Variants in ADGRL2 observed in about 807,000 individuals in gnomAD.
The protein encoded by ADGRL2 is adhesion G protein-coupled receptor L2, also known as calcium-independent alpha-latrotoxin receptor 2.
Under a neutral mutation model 157.4 loss-of-function variants are expected in ADGRL2, and 44 were observed. That is an observed-to-expected ratio of 0.28 (90% CI 0.22 to 0.36). The LOEUF is 0.36. Among genes scored for constraint, ADGRL2 ranks in the 10% least tolerant of loss-of-function variants. ADGRL2 has a pLI of 1.00. For synonymous variants in ADGRL2, 585 were observed against 624.7 expected (o/e 0.94, Z 0.95); for missense variants, 1,510 against 1,768.9 (o/e 0.85, Z 2.63).
intron 2 of ADGRL2, among the ~76,000 whole-genome samples, chr1:81,859,406 C>CTTT (rs34509135): frequency 1.8e-4 from 22 of 124,912 alleles, no homozygotes; most frequent in South Asian, 2.6e-4. Flanking sequence ...AGAATAAAAC[C>CTTT]TTTTTTTTTT....
chr1:81,722,547 T>G, intron 1 of ADGRL2: 1 of 1,532,626 alleles, frequency 6.5e-7, no homozygotes, highest in Non-Finnish European at 8.9e-7. Flanking sequence ...CAGCTCAGCC[T>G]TACAAATGGC....
intron 15 of ADGRL2, among the ~76,000 whole-genome samples, chr1:81,970,009 C>CACAA (rs3046461): frequency 0.71 from 108,264 of 151,476 alleles, 39,067 homozygotes; most frequent in East Asian, 0.84. Context: ...ACAGATAATT[C>CACAA]ACAAATTATG....
intron 3 of ADGRL2, among the ~76,000 whole-genome samples, chr1:81,931,955 C>T (rs2095239364): frequency 6.6e-6 from 1 of 152,124 alleles, no homozygotes; most frequent in Non-Finnish European, 1.5e-5. Flanking sequence ...ATTGTTTAGA[C>T]ATTATTCGCA....
intron 3 of ADGRL2, among the ~76,000 whole-genome samples, chr1:81,686,052 G>T (rs527990046): frequency 2.0e-5 from 3 of 152,238 alleles, no homozygotes; most frequent in South Asian, 2.1e-4. Flanking sequence ...ATTTTGTTAA[G>T]GATTTTAGCA....
intron 2 of ADGRL2, among the ~76,000 whole-genome samples, chr1:81,554,529 A>T (rs17455219): frequency 6.6e-6 from 1 of 151,884 alleles, no homozygotes; most frequent in Non-Finnish European, 1.5e-5. Context: ...AAGAAATGGC[A>T]ATAACTGGTA....
intron 2 of ADGRL2, among the ~76,000 whole-genome samples, chr1:81,778,469 A>G (rs1399317951): frequency 6.6e-6 from 1 of 152,192 alleles, no homozygotes; most frequent in Non-Finnish European, 1.5e-5. Flanking sequence ...ACTCTGACAG[A>G]AAAGAACATC....
rs1264490423 is a variant in ADGRL2 at position 81,773,664 on chromosome 1, C to G, written c.-101+11812C>G. 2.0e-5 allele frequency among the ~76,000 whole-genome samples: 3 copies of G among 152,282 alleles called. No individual in the cohort carries two copies. In the South Asian group the frequency reaches 6.2e-4, roughly 32 times the overall value. ...TTCTTCTTGAGCGTTCACATGACCT[C>G]AAAAGCAATGAAAGGGACTGACATT... is the stretch of plus-strand genomic sequence containing the variant. On this transcript the variant is annotated intron_variant, in intron 2 of 20. Transcript: ENST00000359929.
At chr1:81,373,946 G>T (rs1412471053) in intron 1 of ADGRL2, among the ~76,000 whole-genome samples, 1 of 152,160 alleles carries the variant, frequency 6.6e-6, no homozygotes, top group Non-Finnish European at 1.5e-5. Context: ...ATGTAAAAAT[G>T]TAGTAGGTCC....
At chr1:81,366,816 G>A (rs1268751104) in intron 1 of ADGRL2, among the ~76,000 whole-genome samples, 1 of 152,142 alleles carries the variant, frequency 6.6e-6, no homozygotes, top group African/African-American at 2.4e-5. Flanking sequence ...TGGATTCTAT[G>A]TGATGAGATT....
intron 3 of ADGRL2, among the ~76,000 whole-genome samples, chr1:81,686,727 G>C (rs1439745569): frequency 2.0e-5 from 3 of 152,076 alleles, no homozygotes; most frequent in African/African-American, 7.2e-5. Context: ...TGTGACCTTA[G>C]ATTGTCTGTT....
At chr1:81,683,067 A>G (rs975422403) in intron 3 of ADGRL2, among the ~76,000 whole-genome samples, 1 of 152,206 alleles carries the variant, frequency 6.6e-6, no homozygotes, top group Non-Finnish European at 1.5e-5. Context: ...AGGGTGAAGG[A>G]GGTTGCACTA....
Position 81,917,605 on chromosome 1 carries a change from G to A in ADGRL2, c.287+10375G>A, listed in dbSNP as rs944318525. Among the ~76,000 whole-genome samples, 14 of 152,160 alleles carry A rather than the reference G, an allele frequency of 9.2e-5. No individual in the cohort carries two copies. In the East Asian group the frequency reaches 2.1e-3, roughly 23 times the overall value. On this transcript the variant is annotated intron_variant, in intron 3 of 23. Transcript: ENST00000686636. ...ATATATTGTGAAACTAACACGTCACGGTTCTCTCAAAATTTGTTAACATGT... is the reference window on the plus strand; with the variant it reads ...ATATATTGTGAAACTAACACGTCACAGTTCTCTCAAAATTTGTTAACATGT...
In ADGRL2 at chr1:81,955,877, G is replaced by A; in HGVS notation, c.1834G>A (p.Ala612Thr). ...AATGATAGTTTTCTAATGGATACAG[G>A]CAATTGTTGACACAGTGGACAACCT... The part of the protein sequence containing the change: ...REKTCRAYLK[A>T]IVDTVDNLLR... The change falls in exon 11 of 24, where the codon GCA (alanine) becomes ACA (threonine). Residue 612 changes from alanine to threonine, a missense_variant and splice_region_variant. Transcript: ENST00000686636. The A allele has an allele frequency of 6.4e-7, 1 of 1,567,302 alleles. No individual in the cohort carries two copies. The highest frequency in any genetic ancestry group is 1.9e-5 in the Admixed American group (1 of 51,430).
At chr1:81,824,560 G>A (rs2149939786) in intron 1 of ADGRL2, among the ~76,000 whole-genome samples, 1 of 152,312 alleles carries the variant, frequency 6.6e-6, no homozygotes, top group South Asian at 2.1e-4. Flanking sequence ...ACAGGCATGA[G>A]CCACTGCACC....
At chr1:81,330,222 A>C (rs920576138) in intron 1 of ADGRL2, among the ~76,000 whole-genome samples, 2 of 152,088 alleles carry the variant, frequency 1.3e-5, no homozygotes, top group Non-Finnish European at 2.9e-5. Context: ...TTGATGTTTT[A>C]TAGAAAAATG....
At chr1:81,715,599 G>T (rs921179209) in intron 1 of ADGRL2, among the ~76,000 whole-genome samples, 1 of 152,132 alleles carries the variant, frequency 6.6e-6, no homozygotes, top group Non-Finnish European at 1.5e-5. Flanking sequence ...TAAGCGTGGA[G>T]TAAGAGTGTG....
intron 1 of ADGRL2, among the ~76,000 whole-genome samples, chr1:81,431,059 A>G (rs2077310862): frequency 6.6e-6 from 1 of 152,170 alleles, no homozygotes; most frequent in African/African-American, 2.4e-5. Context: ...CAGAACAGGT[A>G]CAGGAAATGG....
intron 2 of ADGRL2, among the ~76,000 whole-genome samples, chr1:81,874,203 A>T (rs964019988): frequency 6.6e-6 from 1 of 152,128 alleles, no homozygotes; most frequent in Non-Finnish European, 1.5e-5. Flanking sequence ...CAACTTAATT[A>T]TGTGAAATTG....
intron 3 of ADGRL2, among the ~76,000 whole-genome samples, chr1:81,637,526 T>C (rs190260137): frequency 6.6e-6 from 1 of 152,294 alleles, no homozygotes; most frequent in Non-Finnish European, 1.5e-5. Flanking sequence ...ATTTCTAGAT[T>C]TCTAGATGTT....
Sources: gnomAD v4.1 joint callset for allele counts (sites outside exome capture counted in the v4.1 genomes callset) on GRCh38, gnomAD v4.1.1 for gene constraint, MANE v1.5 for transcripts, NCBI Gene and HGNC (gene_info 2026-07-23, HGNC 2026-07-21) for gene names.